Variants in HCN1 observed in about 807,000 individuals in gnomAD.
HCN1 encodes potassium/sodium hyperpolarization-activated cyclic nucleotide-gated channel 1.
Under a neutral mutation model 78.9 loss-of-function variants are expected in HCN1, and 13 were observed. The ratio of observed to expected loss-of-function variants is 0.16; its 90% confidence interval spans 0.11 to 0.26. The LOEUF (loss-of-function observed/expected upper bound fraction) is 0.26. HCN1 is among the 10% of genes least tolerant of loss of function. The probability of loss-of-function intolerance (pLI) is 1.00; values close to 1 mark genes in which losing one functional copy is unlikely to be tolerated. For synonymous variants in HCN1, 552 were observed against 455.5 expected (o/e 1.21, Z -2.70); for missense variants, 810 against 1,154.3 (o/e 0.70, Z 4.32).
intron 5 of HCN1, among the ~76,000 whole-genome samples, chr5:45,342,408 T>C (rs1731513673): frequency 6.6e-6 from 1 of 151,452 alleles, no homozygotes; most frequent in African/African-American, 2.4e-5. Context: ...TTTTTTTTTT[T>C]TGTATTTTTT....
intron 4 of HCN1, among the ~76,000 whole-genome samples, chr5:45,356,019 A>G (rs183141821): frequency 6.6e-6 from 1 of 152,124 alleles, no homozygotes; most frequent in East Asian, 1.9e-4. Flanking sequence ...ATGTATGAAA[A>G]TATCACTTCC....
At chr5:45,625,377 T>G (rs1185161373) in intron 2 of HCN1, among the ~76,000 whole-genome samples, 2 of 152,144 alleles carry the variant, frequency 1.3e-5, no homozygotes, top group African/African-American at 2.4e-5. Flanking sequence ...AGTGTCAGTC[T>G]GCCATTTCCT....
intron 2 of HCN1, among the ~76,000 whole-genome samples, chr5:45,629,500 T>C (rs1745232539): frequency 6.6e-6 from 1 of 152,182 alleles, no homozygotes. Flanking sequence ...GATAATTAAA[T>C]ATATGATAGT....
intron 2 of HCN1, among the ~76,000 whole-genome samples, chr5:45,623,827 C>A (rs550095179): frequency 6.6e-6 from 1 of 152,068 alleles, no homozygotes; most frequent in African/African-American, 2.4e-5. Flanking sequence ...AAAAATAGAA[C>A]ACAGCAGGAT....
chr5:45,614,705 A>C (rs990402727), intron 2 of HCN1, among the ~76,000 whole-genome samples: 2 of 152,074 alleles, frequency 1.3e-5, no homozygotes, highest in Admixed American at 6.6e-5. Flanking sequence ...TTAATACTAA[A>C]TGAGCTGCAT....
chr5:45,561,875 T>C (rs540183849), intron 2 of HCN1, among the ~76,000 whole-genome samples: 166 of 152,278 alleles, frequency 1.1e-3, no homozygotes, highest in African/African-American at 3.8e-3. Flanking sequence ...AACACATCAA[T>C]GTGCTGTGAG....
chr5:45,550,835 T>C (rs1743352309), intron 2 of HCN1, among the ~76,000 whole-genome samples: 1 of 152,028 alleles, frequency 6.6e-6, no homozygotes, highest in South Asian at 2.1e-4. Flanking sequence ...CCATCTGCAC[T>C]TGCTTAGAAG....
intron 2 of HCN1, among the ~76,000 whole-genome samples, chr5:45,474,706 T>C (rs1234981497): frequency 6.6e-6 from 1 of 151,918 alleles, no homozygotes; most frequent in East Asian, 1.9e-4. Flanking sequence ...TTTATTTTCT[T>C]TTGGTAATTT....
intron 2 of HCN1, among the ~76,000 whole-genome samples, chr5:45,606,078 T>A (rs1435579209): frequency 6.6e-6 from 1 of 152,012 alleles, no homozygotes; most frequent in East Asian, 1.9e-4. Context: ...AAATGTTAAG[T>A]CAGCCAACTC....
At chr5:45,473,314 T>C (rs1329826272) in intron 2 of HCN1, among the ~76,000 whole-genome samples, 1 of 151,996 alleles carries the variant, frequency 6.6e-6, no homozygotes, top group African/African-American at 2.4e-5. Context: ...CTAGTGATAT[T>C]GGCGTATTTC....
chr5:45,374,178 T>TAACA (rs1491510566), intron 4 of HCN1, among the ~76,000 whole-genome samples: 1 of 110,670 alleles, frequency 9.0e-6, no homozygotes, highest in African/African-American at 3.5e-5. Flanking sequence ...ATAATATATA[T>TAACA]TATATATTAT....
intron 4 of HCN1, among the ~76,000 whole-genome samples, chr5:45,394,043 TA>T (rs1739637478): frequency 6.6e-6 from 1 of 152,156 alleles, no homozygotes; most frequent in African/African-American, 2.4e-5. Context: ...TCTTTTGGGA[TA>T]GGGGTGTGAA....
At chr5:45,383,844 A>T (rs1002742602) in intron 4 of HCN1, among the ~76,000 whole-genome samples, 3 of 152,196 alleles carry the variant, frequency 2.0e-5, no homozygotes, top group Non-Finnish European at 4.4e-5. Context: ...ATAGTAAAAT[A>T]CAAAAGAATC....
chr5:45,573,130 T>C (rs1176761979), intron 2 of HCN1, among the ~76,000 whole-genome samples: 1 of 152,188 alleles, frequency 6.6e-6, no homozygotes, highest in Non-Finnish European at 1.5e-5. Flanking sequence ...TAGAATATTA[T>C]CTATGCATAT....
At chr5:45,296,316 A>C (rs755447204) in intron 6 of HCN1, among the ~76,000 whole-genome samples, 2 of 152,004 alleles carry the variant, frequency 1.3e-5, no homozygotes, top group Non-Finnish European at 2.9e-5. Flanking sequence ...ACTAAACTAG[A>C]AACCAACAAT....
chr5:45,645,660 TC>T lies in HCN1; in HGVS notation c.426-53del, dbSNP rs758538512. On this transcript the variant is annotated intron_variant, in intron 1 of 7. Transcript: ENST00000303230. ...TAAGATATAGAAAATAACCAGCCTATCCCCCCCATGAAAAATTATTACTGAT... is the reference window on the plus strand; with the variant it reads ...TAAGATATAGAAAATAACCAGCCTATCCCCCCATGAAAAATTATTACTGAT... The T allele has an allele frequency of 4.0e-5, 48 of 1,190,170 alleles. 1 individual carries two copies. Among genetic ancestry groups the T allele is most frequent in the African/African-American group, 2.2e-4 (14 of 65,074 alleles). The allele number at this position is 1,190,170 out of a possible 1,614,324, so 73.7% of individuals were successfully genotyped here.
At position 45,495,608 on chromosome 5, in the gene HCN1, A is replaced by G. The variant is rs185731784; in HGVS notation, c.850-33601T>C. Among the ~76,000 whole-genome samples the G allele has an allele frequency of 4.2e-3, 634 of 152,264 alleles. 5 individuals are homozygous for G. Among genetic ancestry groups the G allele is most frequent in the Non-Finnish European group, 3.7e-3 (254 of 68,024 alleles). ...ACACTTTATTTCCTTCTCCTAACTGATTGCCCTGGCCAGAACTTCCAACAC... is the reference window on the plus strand; with the variant it reads ...ACACTTTATTTCCTTCTCCTAACTGGTTGCCCTGGCCAGAACTTCCAACAC... On this transcript the variant is annotated intron_variant, in intron 2 of 7. Transcript: ENST00000303230.
At chr5:45,630,039 C>A (rs1025515320) in intron 2 of HCN1, among the ~76,000 whole-genome samples, 2 of 152,018 alleles carry the variant, frequency 1.3e-5, no homozygotes, top group Non-Finnish European at 2.9e-5. Flanking sequence ...GGGTAAGTGC[C>A]AGTTCCTGCT....
chr5:45,269,561 T>C (rs1744922046), intron 6 of HCN1, among the ~76,000 whole-genome samples: 1 of 152,146 alleles, frequency 6.6e-6, no homozygotes, highest in Non-Finnish European at 1.5e-5. Flanking sequence ...AGTTTTTCAT[T>C]AGGGTAAATA....
Sources: gnomAD v4.1 joint callset for allele counts (sites outside exome capture counted in the v4.1 genomes callset) on GRCh38, gnomAD v4.1.1 for gene constraint, MANE v1.5 for transcripts, NCBI Gene and HGNC (gene_info 2026-07-23, HGNC 2026-07-21) for gene names.